GARRE1: variants seen among roughly 807,000 people sequenced by gnomAD.
The protein encoded by GARRE1 is granule associated Rac and RHOG effector protein 1.
A neutral mutation model predicts 103.2 loss-of-function variants in GARRE1; 49 were observed. That is an observed-to-expected ratio of 0.47 (90% confidence interval 0.38 to 0.60). The LOEUF (loss-of-function observed/expected upper bound fraction) is 0.60, where lower values mean the gene tolerates loss of function less well. Ranked by LOEUF, GARRE1 falls within the 20% of genes least tolerant of loss-of-function variation. The probability of loss-of-function intolerance (pLI) is 0.00; values close to 1 mark genes in which losing one functional copy is unlikely to be tolerated. For synonymous variants in GARRE1, 505 were observed against 532.8 expected, an observed-to-expected ratio of 0.95 and a Z score of 0.72; for missense variants, 1,199 against 1,370.5, an observed-to-expected ratio of 0.87 and a Z score of 1.98.
At chr19:34,305,313 A>G (rs569682237) in intron 2 of GARRE1, among the ~76,000 whole-genome samples, 57 of 152,280 alleles carry the variant, frequency 3.7e-4, no homozygotes, top group African/African-American at 1.3e-3. Context: ...ATAAAGAACC[A>G]CGTTGTTCAT....
chr19:34,291,974 T>C (rs1474016062), intron 1 of GARRE1, among the ~76,000 whole-genome samples: 1 of 151,950 alleles, frequency 6.6e-6, no homozygotes, highest in Non-Finnish European at 1.5e-5. Context: ...TTCTTCTGCC[T>C]CAGCCTCCTA....
chr19:34,275,478 G>A (rs948703121), intron 1 of GARRE1, among the ~76,000 whole-genome samples: 1 of 151,644 alleles, frequency 6.6e-6, no homozygotes, highest in Non-Finnish European at 1.5e-5. Context: ...AATTGGTACA[G>A]TTCATATTAA....
At chr19:34,274,443 G>A (rs553433098) in intron 1 of GARRE1, among the ~76,000 whole-genome samples, 19 of 152,322 alleles carry the variant, frequency 1.2e-4, no homozygotes, top group South Asian at 6.2e-4. Context: ...TTAATTGGAT[G>A]TGAAGGAGAG....
chr19:34,326,619 A>G (rs1300330159), intron 3 of GARRE1, among the ~76,000 whole-genome samples: 3 of 150,830 alleles, frequency 2.0e-5, no homozygotes, highest in Admixed American at 2.0e-4. Context: ...GCCAATGTAT[A>G]TTTTTCCTGT....
At chr19:34,310,579 T>G (rs967225536) in intron 2 of GARRE1, among the ~76,000 whole-genome samples, 4 of 152,240 alleles carry the variant, frequency 2.6e-5, no homozygotes, top group Non-Finnish European at 5.9e-5. Context: ...CCCAGCCACC[T>G]GGCCTGCCTT....
At chr19:34,268,019 G>A (rs888090933) in intron 1 of GARRE1, among the ~76,000 whole-genome samples, 17 of 151,358 alleles carry the variant, frequency 1.1e-4, no homozygotes, top group East Asian at 5.9e-4. Flanking sequence ...TGATCCACCC[G>A]CCTTGGCCTC....
chr19:34,309,281 T>C (rs942807654), intron 2 of GARRE1, among the ~76,000 whole-genome samples: 3 of 152,338 alleles, frequency 2.0e-5, no homozygotes, highest in South Asian at 4.1e-4. Flanking sequence ...CAGAATGTAC[T>C]GTTCTAGATT....
chr19:34,289,161 A>G (rs1335349795), intron 1 of GARRE1, among the ~76,000 whole-genome samples: 1 of 150,134 alleles, frequency 6.7e-6, no homozygotes, highest in African/African-American at 2.5e-5. Flanking sequence ...CTGGTTGGGC[A>G]TGGCGGCTCA....
At chr19:34,296,364 TCCTTGG>T in intron 1 of GARRE1, 1 of 1,305,726 alleles carries the variant, frequency 7.7e-7, no homozygotes, top group Non-Finnish European at 1.1e-6. Context: ...GCTGATTTGA[TCCTTGG>T]CCTTGGCCTT....
Position 34,300,360 on chromosome 19 carries a change from T to C in GARRE1, c.-114T>C. Reference sequence around the variant, plus strand: ...GTCACCTGCCTCATGGAAATGCCTTTTTTAAAACTTCGATTTGCAGAACTC... The same window carrying C: ...GTCACCTGCCTCATGGAAATGCCTTCTTTAAAACTTCGATTTGCAGAACTC... On this transcript the variant is annotated 5_prime_UTR_variant, in exon 2 of 14. Transcript: ENST00000299505. 1 of 1,324,374 alleles carries C rather than the reference T, an allele frequency of 7.6e-7. No homozygotes were observed. The highest frequency in any genetic ancestry group is 2.3e-5 in the East Asian group (1 of 42,790). 82.0% of individuals were successfully genotyped at this position (1,324,374 alleles called of 1,614,324 possible). A position where few individuals can be genotyped will look rare whatever the true frequency, so the allele number is the denominator to read the frequency against.
At chr19:34,266,643 A>T (rs2073753458) in intron 1 of GARRE1, among the ~76,000 whole-genome samples, 1 of 152,086 alleles carries the variant, frequency 6.6e-6, no homozygotes, top group Non-Finnish European at 1.5e-5. Flanking sequence ...TGCATCAGGC[A>T]ACTTTCTGGT....
At position 34,354,321 on chromosome 19, in the gene GARRE1, T is replaced by C. The variant is rs1221785609; in HGVS notation, c.*1366T>C. On this transcript the variant is annotated 3_prime_UTR_variant, in exon 14 of 14. Transcript: ENST00000299505. ...ATATAAGCTTTTCCAGCAAAGATTGTAATAACACATTTATGTTCTCGTTTT... is the reference window on the plus strand; with the variant it reads ...ATATAAGCTTTTCCAGCAAAGATTGCAATAACACATTTATGTTCTCGTTTT... 1 of 152,204 alleles carries C rather than the reference T, an allele frequency of 6.6e-6. No homozygotes were observed. The highest frequency in any genetic ancestry group is 2.4e-5 in the African/African-American group (1 of 41,466). 9.4% of individuals were successfully genotyped at this position (152,204 alleles called of 1,614,324 possible).
At chr19:34,307,680 CATAT>C (rs368165172) in intron 2 of GARRE1, among the ~76,000 whole-genome samples, 2 of 47,960 alleles carry the variant, frequency 4.2e-5, no homozygotes, top group South Asian at 6.5e-4. Context: ...CTTATATATA[CATAT>C]ATACTTATAT....
intron 6 of GARRE1, among the ~76,000 whole-genome samples, chr19:34,329,097 G>A (rs2074125900): frequency 6.6e-6 from 1 of 152,206 alleles, no homozygotes; most frequent in African/African-American, 2.4e-5. Flanking sequence ...CATTGTGCCA[G>A]GTGCTCCACA....
chr19:34,293,750 C>CTTTTT (rs71165643), intron 1 of GARRE1, among the ~76,000 whole-genome samples: 4 of 47,178 alleles, frequency 8.5e-5, no homozygotes, highest in Admixed American at 3.2e-4. Context: ...ACACATATTT[C>CTTTTT]TTTTTTTTTT....
chr19:34,289,128 C>T (rs1334900476), intron 1 of GARRE1, among the ~76,000 whole-genome samples: 3 of 149,614 alleles, frequency 2.0e-5, no homozygotes, highest in African/African-American at 4.9e-5. Context: ...AGCAAGACTC[C>T]GTCTCAAAAA....
At chr19:34,260,540 T>C (rs2073711028) in intron 1 of GARRE1, among the ~76,000 whole-genome samples, 1 of 152,140 alleles carries the variant, frequency 6.6e-6, no homozygotes, top group South Asian at 2.1e-4. Flanking sequence ...ATTTTTATTT[T>C]ATTATTATAC....
intron 2 of GARRE1, among the ~76,000 whole-genome samples, chr19:34,311,614 CT>C (rs2074037114): frequency 6.6e-6 from 1 of 151,472 alleles, no homozygotes; most frequent in Admixed American, 6.6e-5. Context: ...ATTTTTTTTT[CT>C]TTTCCCCCCT....
At chr19:34,345,594 C>T (rs1311313722) in intron 10 of GARRE1, among the ~76,000 whole-genome samples, 2 of 152,122 alleles carry the variant, frequency 1.3e-5, no homozygotes, top group Admixed American at 6.5e-5. Flanking sequence ...CTGAGGCCAG[C>T]GGATTGCTTG....
Sources: gnomAD v4.1 joint callset for allele counts (sites outside exome capture counted in the v4.1 genomes callset) on GRCh38, gnomAD v4.1.1 for gene constraint, MANE v1.5 for transcripts, NCBI Gene and HGNC (gene_info 2026-07-23, HGNC 2026-07-21) for gene names.